Variants in PARN observed in about 807,000 individuals in gnomAD.
The protein encoded by PARN is poly(A)-specific ribonuclease PARN.
PARN carries 71 observed loss-of-function variants against 102.8 expected under a neutral mutation model. That is an observed-to-expected ratio of 0.69 (90% CI 0.57 to 0.84). The LOEUF is 0.84. Among genes scored for constraint, PARN ranks in the 40% least tolerant of loss-of-function variants. The pLI, the probability that PARN is intolerant of heterozygous loss-of-function variation, is 0.00. For missense variants in PARN, 782 were observed against 760.9 expected (o/e 1.03, Z -0.33); for synonymous variants, 261 against 252.9 (o/e 1.03, Z -0.30).
At chr16:14,508,771 C>A (rs1016328725) in intron 21 of PARN, among the ~76,000 whole-genome samples, 1 of 150,422 alleles carries the variant, frequency 6.6e-6, no homozygotes. Flanking sequence ...AAAAATTATT[C>A]TCAGGGGGCG....
rs960463679 is a variant in PARN at position 14,610,739 on chromosome 16, C to G, written c.459G>C (p.Ala153=). The stretch of plus-strand genomic sequence containing the variant: ...CATAGGACAGAGCTCCTGCACCATT[C>G]GCCTGTGAACGTTTTTCATCATACT... ...REQYDEKRSQ[A]NGAGALSYVS... Residue 153 remains alanine, a synonymous_variant, in exon 7 of 24, where the codon GCG becomes GCC. Coordinates refer to ENST00000437198, the MANE Select transcript of PARN (RefSeq NM_002582.4). 1.2e-6 allele frequency: 2 copies of G among 1,607,330 alleles called. No homozygotes were observed. Among genetic ancestry groups the G allele is most frequent in the Non-Finnish European group, 1.7e-6 (2 of 1,173,910 alleles).
In PARN at chr16:14,591,187, G is replaced by A. The variant is rs551474219; in HGVS notation, c.918+2114C>T. On this transcript the variant is annotated intron_variant, in intron 13 of 23. Coordinates refer to ENST00000437198, the MANE Select transcript of PARN (RefSeq NM_002582.4). Reference sequence around the variant, plus strand: ...AGGCAGATCATGAGGCCAGGAGATCGAGACCATCCTGGCCAACATGGTGAA... The same window carrying A: ...AGGCAGATCATGAGGCCAGGAGATCAAGACCATCCTGGCCAACATGGTGAA... Among the ~76,000 whole-genome samples, 496 of 152,074 alleles carry A rather than the reference G, an allele frequency of 3.3e-3. 3 individuals are homozygous for A. Among genetic ancestry groups the A allele is most frequent in the Middle Eastern group, 6.8e-3 (2 of 294 alleles).
intron 22 of PARN, among the ~76,000 whole-genome samples, chr16:14,461,301 C>A (rs1961953503): frequency 6.6e-6 from 1 of 152,014 alleles, no homozygotes; most frequent in Non-Finnish European, 1.5e-5. Flanking sequence ...TAGGTAAAAA[C>A]CGAGGAAATG....
At chr16:14,481,644 T>A (rs1221287169) in intron 22 of PARN, among the ~76,000 whole-genome samples, 1 of 152,248 alleles carries the variant, frequency 6.6e-6, no homozygotes, top group African/African-American at 2.4e-5. Context: ...TCAATTTTTT[T>A]AATCTCTAAA....
At chr16:14,555,239 T>TAAAAC (rs955962017) in intron 19 of PARN, among the ~76,000 whole-genome samples, 17 of 152,048 alleles carry the variant, frequency 1.1e-4, no homozygotes, top group South Asian at 6.2e-4. Context: ...GTTTTTTAAA[T>TAAAAC]AAAACAAAAC....
intron 21 of PARN, among the ~76,000 whole-genome samples, chr16:14,515,877 C>T (rs749208928): frequency 6.6e-6 from 1 of 152,084 alleles, no homozygotes; most frequent in Admixed American, 6.5e-5. Flanking sequence ...GAGATTGAGG[C>T]TGCAGTGAGC....
Position 14,564,249 on chromosome 16 carries a change from G to A in PARN, c.1263-8540C>T, listed in dbSNP as rs551648261. ...GTGTATATAAGAGAAGCAAGTGTAA[G>A]CAAGTGCTCAGGATACAACATCCCA... On this transcript the variant is annotated intron_variant, in intron 18 of 23. Coordinates refer to ENST00000437198, the MANE Select transcript of PARN (RefSeq NM_002582.4). 4.6e-5 allele frequency among the ~76,000 whole-genome samples: 7 copies of A among 152,366 alleles called. No homozygotes were observed. The East Asian group carries it at 1.3e-3, about 29-fold the overall frequency.
intron 23 of PARN, among the ~76,000 whole-genome samples, chr16:14,445,413 C>T (rs1323729163): frequency 6.6e-6 from 1 of 152,180 alleles, no homozygotes; most frequent in Admixed American, 6.5e-5. Context: ...GAATCAAGTT[C>T]CACCACTTGA....
intron 21 of PARN, among the ~76,000 whole-genome samples, chr16:14,514,700 G>A (rs1965372039): frequency 6.6e-6 from 1 of 152,178 alleles, no homozygotes; most frequent in Non-Finnish European, 1.5e-5. Context: ...GCTATGAACT[G>A]GAGTAACTTT....
rs1172305884 is a variant in PARN, at chr16:14,606,834, G to A, written c.660-308C>T. On this transcript the variant is annotated intron_variant, in intron 9 of 23. Coordinates refer to ENST00000437198, the MANE Select transcript of PARN (RefSeq NM_002582.4). ...TCTCTCTCTGTCGCCCAGGCTGGAG[G>A]GCAGTGGCGCGATCTCGGCTCACTG... Among the ~76,000 whole-genome samples the A allele has an allele frequency of 2.0e-5, 3 of 150,756 alleles. No individual in the cohort carries two copies. In the East Asian group the frequency reaches 5.9e-4, roughly 29 times the overall value.
At position 14,436,778 on chromosome 16, in the gene PARN, G is replaced by A; in HGVS notation, c.1865-6C>T. On this transcript the variant is annotated splice_region_variant and splice_polypyrimidine_tract_variant and intron_variant, in intron 23 of 23. Transcript: ENST00000437198. ...GCTGTTCTTCGAGATGCTTCCTGGT[G>A]GGAAAGAACAAAACAATATGAACAG... 11 of 1,580,356 alleles carry A rather than the reference G, an allele frequency of 7.0e-6. No homozygotes were observed. The highest frequency in any genetic ancestry group is 9.5e-6 in the Non-Finnish European group (11 of 1,162,118).
At chr16:14,562,834 C>T (rs1281934707) in intron 18 of PARN, among the ~76,000 whole-genome samples, 2 of 152,138 alleles carry the variant, frequency 1.3e-5, no homozygotes, top group African/African-American at 2.4e-5. Flanking sequence ...TTAGCAAAAT[C>T]CTCCACCCTT....
chr16:14,615,601 C>T (rs1971843687), intron 6 of PARN, among the ~76,000 whole-genome samples: 1 of 151,980 alleles, frequency 6.6e-6, no homozygotes, highest in Non-Finnish European at 1.5e-5. Context: ...ATCACTGAAA[C>T]AATTAAAAAA....
intron 21 of PARN, among the ~76,000 whole-genome samples, chr16:14,508,808 C>T (rs1026692710): frequency 6.6e-6 from 1 of 150,678 alleles, no homozygotes; most frequent in East Asian, 1.9e-4. Context: ...GCCTATAATC[C>T]CAGCACTTTG....
intron 22 of PARN, among the ~76,000 whole-genome samples, chr16:14,472,252 A>C (rs920670864): frequency 1.3e-5 from 2 of 152,178 alleles, no homozygotes; most frequent in African/African-American, 2.4e-5. Flanking sequence ...TTTATTAGTA[A>C]CTGCACACTT....
intron 21 of PARN, among the ~76,000 whole-genome samples, chr16:14,534,908 C>T (rs898789558): frequency 2.4e-4 from 36 of 150,968 alleles, no homozygotes; most frequent in African/African-American, 8.8e-4. Context: ...CATCTCGGCT[C>T]ACCACAACCT....
intron 14 of PARN, among the ~76,000 whole-genome samples, chr16:14,585,293 T>C (rs551083476): frequency 6.6e-6 from 1 of 152,242 alleles, no homozygotes; most frequent in Admixed American, 6.5e-5. Flanking sequence ...TTTCTTATTA[T>C]TCTATTTCAG....
Position 14,447,098 on chromosome 16 carries a change from G to A in PARN, c.1671-17C>T, listed in dbSNP as rs750157587. 5 of 1,591,612 alleles carry A rather than the reference G, an allele frequency of 3.1e-6. No individual in the cohort carries two copies. The Admixed American group carries it at 6.8e-5, about 22-fold the overall frequency. On this transcript the variant is annotated splice_polypyrimidine_tract_variant and intron_variant, in intron 22 of 23. Transcript: ENST00000437198. ...GCTGTAAAACTGAAATGCAAAAAGT[G>A]GAACAACATAAAAGGTGCTGAGAGT...
At chr16:14,628,525 A>C (rs770670039) in intron 2 of PARN, among the ~76,000 whole-genome samples, 3 of 152,200 alleles carry the variant, frequency 2.0e-5, no homozygotes, top group Non-Finnish European at 4.4e-5. Flanking sequence ...TAAGAAAACA[A>C]TCTCTATGCT....
Sources: gnomAD v4.1 joint callset for allele counts (sites outside exome capture counted in the v4.1 genomes callset) on GRCh38, gnomAD v4.1.1 for gene constraint, MANE v1.5 for transcripts, NCBI Gene and HGNC (gene_info 2026-07-23, HGNC 2026-07-21) for gene names.